DLGAP4: variants seen among roughly 807,000 people sequenced by gnomAD.
DLGAP4 encodes the protein disks large-associated protein 4.
DLGAP4 carries 18 observed loss-of-function variants against 86.9 expected under a neutral mutation model. That is an observed-to-expected ratio of 0.21 (90% CI 0.14 to 0.31). The LOEUF (loss-of-function observed/expected upper bound fraction) is 0.31. DLGAP4 is among the 10% of genes least tolerant of loss of function. The pLI, the probability that DLGAP4 is intolerant of heterozygous loss-of-function variation, is 1.00. For missense variants in DLGAP4, 1,085 were observed against 1,362.6 expected (o/e 0.80, Z 3.21); for synonymous variants, 548 against 574.3 (o/e 0.95, Z 0.65).
chr20:36,517,076 C>CT (rs1029689517), intron 10 of DLGAP4, among the ~76,000 whole-genome samples: 1 of 145,564 alleles, frequency 6.9e-6, no homozygotes, highest in African/African-American at 2.5e-5. Flanking sequence ...GAACCTGTGT[C>CT]TTAAAAAAAA....
intron 2 of DLGAP4, among the ~76,000 whole-genome samples, chr20:36,421,455 C>CAA (rs539617975): frequency 7.9e-5 from 8 of 100,918 alleles, no homozygotes; most frequent in African/African-American, 1.1e-4. Context: ...GAGACTGTCT[C>CAA]AAAAAAAAAA....
chr20:36,432,418 C>T lies in DLGAP4; in HGVS notation c.701C>T (p.Ala234Val), dbSNP rs757007639. Residue 234 changes from alanine to valine, a missense_variant, in exon 3 of 13, where the codon GCA becomes GTA. Transcript: ENST00000339266. This position sits in a 1 kb window ranked among gnomAD's most constrained non-coding sequence, Gnocchi z 6.5. ...GGGCTGATGACACTAGGCCGCCAGG[C>T]AGAACGCAGCCAGCCACGCTACTTC... is the stretch of plus-strand genomic sequence containing the variant. ...ASGLMTLGRQ[A>V]ERSQPRYFMH... is the part of the protein sequence containing the mutation. The T allele has an allele frequency of 4.3e-6, 7 of 1,613,748 alleles. No individual in the cohort carries two copies. The South Asian group carries it at 7.7e-5, about 18-fold the overall frequency.
chr20:36,514,152 C>T (rs1468110781), intron 10 of DLGAP4, among the ~76,000 whole-genome samples: 1 of 112,276 alleles, frequency 8.9e-6, no homozygotes, highest in Non-Finnish European at 1.6e-5. Context: ...ACCTGAACAA[C>T]GTTCTCAAGG....
chr20:36,409,188 G>A (rs2032414498), intron 2 of DLGAP4, among the ~76,000 whole-genome samples: 1 of 151,864 alleles, frequency 6.6e-6, no homozygotes, highest in Admixed American at 6.6e-5. Flanking sequence ...GGCATGTGCA[G>A]CCATGCCCAG....
At chr20:36,397,120 C>A (rs1449482438) in intron 2 of DLGAP4, among the ~76,000 whole-genome samples, 1 of 152,142 alleles carries the variant, frequency 6.6e-6, no homozygotes, top group African/African-American at 2.4e-5. Context: ...AGGGCGGGTT[C>A]CCTTAACAGA....
intron 2 of DLGAP4, among the ~76,000 whole-genome samples, chr20:36,417,112 A>AG (rs1218652720): frequency 6.6e-6 from 1 of 152,162 alleles, no homozygotes; most frequent in African/African-American, 2.4e-5. Context: ...GAAAACAATC[A>AG]GGAGGGGTGT....
At chr20:36,461,751 G>GGGCCC in intron 7 of DLGAP4, 54 of 618,572 alleles carry the variant, frequency 8.7e-5, no homozygotes, top group Non-Finnish European at 9.2e-5. Context: ...CCGTCCGTCC[G>GGGCCC]CCCGCCCGCC....
At chr20:36,351,696 G>A (rs782398202) in intron 1 of DLGAP4, among the ~76,000 whole-genome samples, 2 of 152,108 alleles carry the variant, frequency 1.3e-5, no homozygotes, top group South Asian at 4.2e-4. Context: ...CCATGAAACC[G>A]GTTCCTGGTG....
At chr20:36,384,657 G>A (rs2031530638) in intron 2 of DLGAP4, among the ~76,000 whole-genome samples, 1 of 152,142 alleles carries the variant, frequency 6.6e-6, no homozygotes, top group Non-Finnish European at 1.5e-5. Context: ...GCACAGATGT[G>A]GTGGCATTAG....
At chr20:36,339,865 C>T (rs1600412774) in intron 1 of DLGAP4, among the ~76,000 whole-genome samples, 1 of 152,110 alleles carries the variant, frequency 6.6e-6, no homozygotes, top group Admixed American at 6.5e-5. Context: ...CCGGCAGAGG[C>T]GTTAAGGTGG....
intron 7 of DLGAP4, among the ~76,000 whole-genome samples, chr20:36,476,687 ATTTTTTTTTTTTTTTTGGTT>A (rs1340853903): frequency 5.5e-5 from 5 of 91,540 alleles, no homozygotes; most frequent in Admixed American, 1.7e-4. Context: ...CACTAGCCCA[ATTTTTTTTTTTTTTTTGGTT>A]TTTTTTTTTT....
At chr20:36,520,156 A>C (rs762086641) in intron 10 of DLGAP4, among the ~76,000 whole-genome samples, 6 of 152,100 alleles carry the variant, frequency 3.9e-5, no homozygotes, top group Non-Finnish European at 7.4e-5. Context: ...AATGCTGTTG[A>C]GATGTTGAGC....
intron 1 of DLGAP4, among the ~76,000 whole-genome samples, chr20:36,337,035 G>T (rs905961889): frequency 2.0e-5 from 3 of 152,178 alleles, no homozygotes; most frequent in Admixed American, 1.3e-4. Context: ...GGAGCTGGGG[G>T]AGTCGGGAGA....
chr20:36,337,690 C>A (rs73103442), intron 1 of DLGAP4, among the ~76,000 whole-genome samples: 2 of 152,178 alleles, frequency 1.3e-5, no homozygotes, highest in Non-Finnish European at 1.5e-5. Context: ...GTGCTTCCCC[C>A]CCAGGATGTT....
intron 2 of DLGAP4, among the ~76,000 whole-genome samples, chr20:36,428,057 A>G (rs771514476): frequency 6.6e-6 from 1 of 152,234 alleles, no homozygotes; most frequent in Non-Finnish European, 1.5e-5. Context: ...TTATTAGAGT[A>G]TAAGGAGATC....
In DLGAP4 at chr20:36,367,083, T is replaced by A. The variant is rs1267209675; in HGVS notation, c.-265T>A. 1 of 152,286 alleles carries A rather than the reference T, an allele frequency of 6.6e-6. No homozygotes were observed. Among genetic ancestry groups the A allele is most frequent in the Non-Finnish European group, 1.5e-5 (1 of 68,118 alleles). The allele number at this position is 152,286 out of a possible 1,614,324, so 9.4% of individuals were successfully genotyped here. On this transcript the variant is annotated 5_prime_UTR_variant, in exon 2 of 13. Transcript: ENST00000339266. ...CCCTCTGCCAGGAACCTTGGGGCCT[T>A]GTGTGTGACCAGGACCTGGTGGCCC... is the stretch of plus-strand genomic sequence containing the variant.
chr20:36,464,619 G>A (rs2034256789), intron 7 of DLGAP4, among the ~76,000 whole-genome samples: 1 of 152,090 alleles, frequency 6.6e-6, no homozygotes, highest in Non-Finnish European at 1.5e-5. Flanking sequence ...GGAGGCCGAG[G>A]CGGGCAGATC....
At chr20:36,395,568 G>C (rs1479518914) in intron 2 of DLGAP4, among the ~76,000 whole-genome samples, 10 of 151,994 alleles carry the variant, frequency 6.6e-5, no homozygotes, top group Non-Finnish European at 1.5e-4. Context: ...GCGCAATCTT[G>C]GCTCACTGCA....
At chr20:36,461,906 G>T in intron 7 of DLGAP4, 1 of 984,648 alleles carries the variant, frequency 1.0e-6, no homozygotes, top group Non-Finnish European at 1.2e-6. Context: ...CCCATCTCGG[G>T]TCCCCTTCTC....
Sources: gnomAD v4.1 joint callset for allele counts (sites outside exome capture counted in the v4.1 genomes callset) on GRCh38, gnomAD v4.1.1 for gene constraint, Gnocchi (gnomAD v3.1) non-coding constraint, MANE v1.5 for transcripts, NCBI Gene and HGNC (gene_info 2026-07-23, HGNC 2026-07-21) for gene names.